The following LRP1B variants were observed in gnomAD, a reference collection of about 807,000 sequenced individuals.
LRP1B encodes the protein low-density lipoprotein receptor-related protein 1B.
LRP1B carries 217 observed loss-of-function variants against 556.6 expected under a neutral mutation model. That is an observed-to-expected ratio of 0.39 (90% confidence interval 0.35 to 0.44). The LOEUF is 0.44. Among genes scored for constraint, LRP1B ranks in the 20% least tolerant of loss-of-function variants. The probability of loss-of-function intolerance (pLI) is 1.00; values close to 1 mark genes in which losing one functional copy is unlikely to be tolerated. For synonymous variants in LRP1B, 2,047 were observed against 1,865.8 expected, an observed-to-expected ratio of 1.10 and a Z score of -2.50; for missense variants, 5,053 against 5,620.8, an observed-to-expected ratio of 0.90 and a Z score of 3.23.
chr2:140,593,611 A>G (rs1682313624), intron 43 of LRP1B, among the ~76,000 whole-genome samples: 1 of 152,310 alleles, frequency 6.6e-6, no homozygotes. Flanking sequence ...ATGTGTTATT[A>G]AAATCAGAAA....
chr2:140,821,754 G>A (rs1166224233), intron 31 of LRP1B, among the ~76,000 whole-genome samples: 7 of 152,144 alleles, frequency 4.6e-5, no homozygotes, highest in Admixed American at 3.9e-4. Flanking sequence ...TAAAGGGGAG[G>A]CCGGGCGCCA....
At chr2:141,541,616 A>T (rs548695352) in intron 2 of LRP1B, among the ~76,000 whole-genome samples, 2 of 152,198 alleles carry the variant, frequency 1.3e-5, no homozygotes, top group South Asian at 4.1e-4. Context: ...AGTCCCATGT[A>T]TTCAATAATA....
intron 7 of LRP1B, among the ~76,000 whole-genome samples, chr2:141,126,760 A>C (rs1487914447): frequency 6.6e-6 from 1 of 152,142 alleles, no homozygotes; most frequent in Non-Finnish European, 1.5e-5. Context: ...AAATTTAAAG[A>C]ATCCCATTCT....
intron 41 of LRP1B, among the ~76,000 whole-genome samples, chr2:140,641,372 A>G (rs1684287369): frequency 6.6e-6 from 1 of 152,198 alleles, no homozygotes; most frequent in Non-Finnish European, 1.5e-5. Context: ...TTTTACTTTT[A>G]GTTTCATTAT....
chr2:140,366,733 A>G (rs1160705059), intron 71 of LRP1B, among the ~76,000 whole-genome samples: 2 of 151,770 alleles, frequency 1.3e-5, no homozygotes, highest in Non-Finnish European at 2.9e-5. Flanking sequence ...TGGTTTAATG[A>G]AATGATTGTC....
chr2:141,393,624 CA>C (rs1690135496), intron 3 of LRP1B, among the ~76,000 whole-genome samples: 1 of 152,076 alleles, frequency 6.6e-6, no homozygotes, highest in Admixed American at 6.6e-5. Context: ...ACAATTACAA[CA>C]AAAAGTCAGT....
At chr2:140,688,456 C>T (rs1425773486) in intron 41 of LRP1B, among the ~76,000 whole-genome samples, 2 of 109,362 alleles carry the variant, frequency 1.8e-5, no homozygotes, top group Non-Finnish European at 4.5e-5. Flanking sequence ...AGGAATATAA[C>T]AGATAAAACA....
At chr2:141,270,060 A>G (rs182557730) in intron 3 of LRP1B, among the ~76,000 whole-genome samples, 247 of 152,242 alleles carry the variant, frequency 1.6e-3, no homozygotes, top group African/African-American at 5.6e-3. Flanking sequence ...TAAGGAATTA[A>G]TATTTATAAC....
chr2:141,553,907 G>A (rs1393578984), intron 2 of LRP1B, among the ~76,000 whole-genome samples: 14 of 133,894 alleles, frequency 1.0e-4, no homozygotes, highest in Non-Finnish European at 2.2e-4. Context: ...TATTAATATA[G>A]TTATATAATA....
chr2:141,559,300 G>A (rs149264507), intron 2 of LRP1B, among the ~76,000 whole-genome samples: 1 of 151,726 alleles, frequency 6.6e-6, no homozygotes, highest in East Asian at 1.9e-4. Context: ...GTCTATGATT[G>A]ATTTCTGTCA....
intron 4 of LRP1B, among the ~76,000 whole-genome samples, chr2:141,249,418 G>C (rs994407056): frequency 2.0e-5 from 3 of 152,024 alleles, no homozygotes; most frequent in African/African-American, 7.2e-5. Flanking sequence ...CCAACATGGC[G>C]AAGCCCTTTC....
At chr2:140,267,648 C>T (rs1161835438) in intron 86 of LRP1B, among the ~76,000 whole-genome samples, 4 of 151,840 alleles carry the variant, frequency 2.6e-5, no homozygotes, top group African/African-American at 9.7e-5. Flanking sequence ...TTTCCAAATA[C>T]TTCTGATTTG....
chr2:141,646,836 TC>T (rs1689584563), intron 2 of LRP1B, among the ~76,000 whole-genome samples: 1 of 152,126 alleles, frequency 6.6e-6, no homozygotes, highest in Non-Finnish European at 1.5e-5. Flanking sequence ...TAAGATAATT[TC>T]AAGTCATTAG....
intron 66 of LRP1B, among the ~76,000 whole-genome samples, chr2:140,415,223 C>A (rs1685138800): frequency 6.7e-6 from 1 of 149,884 alleles, no homozygotes; most frequent in Non-Finnish European, 1.5e-5. Context: ...AACATAGACT[C>A]TTATCAGTAG....
At chr2:141,497,115 A>T (rs948895285) in intron 2 of LRP1B, among the ~76,000 whole-genome samples, 1 of 152,050 alleles carries the variant, frequency 6.6e-6, no homozygotes, top group South Asian at 2.1e-4. Flanking sequence ...AATTTCTCAT[A>T]TATTATAAAT....
intron 2 of LRP1B, among the ~76,000 whole-genome samples, chr2:141,625,048 G>T (rs1688657206): frequency 6.6e-6 from 1 of 152,266 alleles, no homozygotes; most frequent in African/African-American, 2.4e-5. Flanking sequence ...GATTACAGGC[G>T]TGAGCCACCG....
At chr2:140,875,401 A>T (rs997009123) in intron 25 of LRP1B, among the ~76,000 whole-genome samples, 7 of 152,190 alleles carry the variant, frequency 4.6e-5, no homozygotes, top group African/African-American at 1.7e-4. Context: ...TATGGTCAAG[A>T]TTAAAATTTT....
chr2:142,034,525 C>A (rs1703810065), intron 1 of LRP1B, among the ~76,000 whole-genome samples: 1 of 151,620 alleles, frequency 6.6e-6, no homozygotes. Flanking sequence ...TGGGACCCAC[C>A]CCATTCAATT....
At chr2:140,542,915 A>T (rs1413446778) in intron 43 of LRP1B, among the ~76,000 whole-genome samples, 1 of 152,140 alleles carries the variant, frequency 6.6e-6, no homozygotes, top group Non-Finnish European at 1.5e-5. Context: ...CACAGGAAAG[A>T]ATTAGAGAGG....
Sources: gnomAD v4.1 joint callset for allele counts (sites outside exome capture counted in the v4.1 genomes callset) on GRCh38, gnomAD v4.1.1 for gene constraint, MANE v1.5 for transcripts, NCBI Gene and HGNC (gene_info 2026-07-23, HGNC 2026-07-21) for gene names.